Variants in TOB1 observed in about 807,000 individuals in gnomAD.
TOB1 encodes transducer of ERBB2, 1.
A neutral mutation model predicts 22.9 loss-of-function variants in TOB1; 2 were observed. The ratio of observed to expected loss-of-function variants is 0.09; its 90% CI spans 0.04 to 0.28. The LOEUF is 0.28. Among genes scored for constraint, TOB1 ranks in the 10% least tolerant of loss-of-function variants. The pLI is 1.00. For synonymous variants in TOB1, 154 were observed against 150.6 expected (o/e 1.02, Z -0.17); for missense variants, 299 against 420.5 (o/e 0.71, Z 2.53).
At position 50,863,781 on chromosome 17, in the gene TOB1, A is replaced by G. The variant is rs200508715; in HGVS notation, c.237T>C (p.Ile79=). Residue 79 remains isoleucine (I), a synonymous_variant, in exon 2 of 2, where the codon ATT becomes ATC. Transcript: ENST00000499247. ...GTGGCAGATTGCCACGAACATCATC[A>G]ATGTCCAAACCACTCTCTTTGGATG... ...EQASKESGLD[I]DDVRGNLPQD... 9.3e-5 allele frequency: 150 copies of G among 1,613,966 alleles called. No individual in the cohort carries two copies. The highest frequency in any genetic ancestry group is 1.2e-4 in the Non-Finnish European group (138 of 1,180,024).
chr17:50,863,020 T>C lies in TOB1; in HGVS notation c.998A>G (p.Gln333Arg). Residue 333 changes from glutamine to arginine, a missense_variant, in exon 2 of 2, where the codon CAG becomes CGG. Gln to Arg is a conservative substitution (Grantham distance 43). Transcript: ENST00000499247. ...AGGCTGGAATTGCTGGTTAGAATAC[T>C]GCATGTTATTTAAGCTAAAATTCAA... The part of the protein sequence containing the change: ...DGLNFSLNNM[Q>R]YSNQQFQPVM... 6.2e-7 allele frequency: 1 copy of C among 1,614,070 alleles called. No individual in the cohort carries two copies. The highest frequency in any genetic ancestry group is 8.5e-7 in the Non-Finnish European group (1 of 1,179,968).
rs71149322 is a variant in TOB1, at chr17:50,864,056, CAAAAAAAAAAAAA to C, written c.-52_-40del. 1.2e-5 allele frequency: 12 copies of C among 1,042,134 alleles called. No homozygotes were observed. In the East Asian group the frequency reaches 2.0e-4, roughly 17 times the overall value. The allele number at this position is 1,042,134 out of a possible 1,614,324, so 64.6% of individuals were successfully genotyped here. A position where few individuals can be genotyped will look rare whatever the true frequency, so the allele number is the denominator to read the frequency against. On this transcript the variant is annotated 5_prime_UTR_variant, in exon 2 of 2. Coordinates refer to ENST00000499247, the MANE Select transcript of TOB1 (RefSeq NM_005749.4). ...CAAAATTAGGTTTCAACTCCCCCAC[CAAAAAAAAAAAAA>C]AAAAAAAAAGATGTTCAGTTTGTGG...
rs981254842 is a variant in TOB1 at position 50,862,845 on chromosome 17, TTTTA to T, written c.*131_*134del. On this transcript the variant is annotated 3_prime_UTR_variant, in exon 2 of 2. Transcript: ENST00000499247. Reference sequence around the variant, plus strand: ...GTTGGCAAATGAAAAATGATGCATGTTTTATTATTATTTTTTTAACCAAGCTTGA... The same window carrying T: ...GTTGGCAAATGAAAAATGATGCATGTTTATTATTTTTTTAACCAAGCTTGA... 2.2e-5 allele frequency: 28 copies of T among 1,257,370 alleles called. No individual in the cohort carries two copies. The African/African-American group carries it at 4.1e-4, about 18-fold the overall frequency. 77.9% of individuals were successfully genotyped at this position (1,257,370 alleles called of 1,614,324 possible).
In TOB1 at chr17:50,863,055, A is replaced by G. The variant is rs892400629; in HGVS notation, c.963T>C (p.Phe321=). The stretch of plus-strand genomic sequence containing the variant: ...TTAAGCTAAAATTCAAGCCATCTAC[A>G]AAAGATTTCTCATTGAGGCCTCCAT... ...AAYGGLNEKS[F]VDGLNFSLNN... The change falls in exon 2 of 2, where the codon TTT becomes TTC. Residue 321 remains phenylalanine (F), a synonymous_variant. Transcript: ENST00000499247. 6.2e-7 allele frequency: 1 copy of G among 1,614,178 alleles called. No homozygotes were observed. The highest frequency in any genetic ancestry group is 1.1e-5 in the South Asian group (1 of 91,078).
At chr17:50,864,782 T>C (rs942643279) in intron 1 of TOB1, among the ~76,000 whole-genome samples, 7 of 152,220 alleles carry the variant, frequency 4.6e-5, no homozygotes, top group African/African-American at 1.7e-4. Context: ...TTATTCTATA[T>C]AGTTTCGGCC....
upstream of TOB1, among the ~76,000 whole-genome samples, chr17:50,866,510 C>T (rs945450594): frequency 3.3e-5 from 5 of 152,052 alleles, no homozygotes; most frequent in African/African-American, 1.2e-4. Flanking sequence ...CCGGCCGGCT[C>T]CGCCCCTGCC....
intron 1 of TOB1, among the ~76,000 whole-genome samples, chr17:50,865,178 A>G (rs1173795529): frequency 6.6e-6 from 1 of 152,270 alleles, no homozygotes; most frequent in Non-Finnish European, 1.5e-5. Context: ...TTAAAAATCA[A>G]GTTGGTCTTA....
Position 50,863,363 on chromosome 17 carries a change from G to T in TOB1, c.655C>A (p.Gln219Lys). The change falls in exon 2 of 2, where the codon CAG (glutamine) becomes AAG (lysine). Residue 219 changes from glutamine to lysine, a missense_variant. Gln to Lys is a moderately conservative substitution (Grantham distance 53). Transcript: ENST00000499247. Reference protein sequence around the residue: ...LGLNVNDLLKQKAISSSMHSL... With the variant: ...LGLNVNDLLKKKAISSSMHSL... ...TGCATTGAGGAAGAGATGGCTTTCT[G>T]CTTCAAGAGGTCATTCACATTCAAG... 6.2e-6 allele frequency: 10 copies of T among 1,614,126 alleles called. No individual in the cohort carries two copies. Among genetic ancestry groups the T allele is most frequent in the Non-Finnish European group, 8.5e-6 (10 of 1,180,040 alleles).
rs371032220 is a variant in TOB1, at chr17:50,864,051, C to T, written c.-34G>A. The T allele has an allele frequency of 1.1e-3, 928 of 818,242 alleles. 3 individuals are homozygous for T. Among genetic ancestry groups the T allele is most frequent in the Non-Finnish European group, 6.6e-4 (428 of 645,104 alleles). The allele number at this position is 818,242 out of a possible 1,614,324, so 50.7% of individuals were successfully genotyped here. ...CGCCACAAAATTAGGTTTCAACTCCCCCACCAAAAAAAAAAAAAAAAAAAA... is the reference window on the plus strand; with the variant it reads ...CGCCACAAAATTAGGTTTCAACTCCTCCACCAAAAAAAAAAAAAAAAAAAA... On this transcript the variant is annotated 5_prime_UTR_variant, in exon 2 of 2. Coordinates refer to ENST00000499247, the MANE Select transcript of TOB1 (RefSeq NM_005749.4).
intron 1 of TOB1, among the ~76,000 whole-genome samples, chr17:50,864,812 A>G (rs901026879): frequency 6.6e-6 from 1 of 152,238 alleles, no homozygotes; most frequent in African/African-American, 2.4e-5. Flanking sequence ...CTAAGAGCAT[A>G]CAATATAATA....
upstream of TOB1, chr17:50,867,474 C>G (rs1972329772): frequency 6.6e-6 from 1 of 152,128 alleles, no homozygotes; most frequent in Non-Finnish European, 1.5e-5. Context: ...GCGTCCCTCT[C>G]AGCTAAAAAT....
Position 50,862,885 on chromosome 17 carries a change from A to G in TOB1, c.*95T>C. ...TTTAACCAAGCTTGAATGTATCCTTACTATAAGCTTAAAAAAAAAAATTCT... is the reference window on the plus strand; with the variant it reads ...TTTAACCAAGCTTGAATGTATCCTTGCTATAAGCTTAAAAAAAAAAATTCT... On this transcript the variant is annotated 3_prime_UTR_variant, in exon 2 of 2. Transcript: ENST00000499247. 9 of 1,437,418 alleles carry G rather than the reference A, an allele frequency of 6.3e-6. No individual in the cohort carries two copies. In the South Asian group the frequency reaches 1.4e-4, roughly 22 times the overall value. The allele number at this position is 1,437,418 out of a possible 1,614,324, so 89.0% of individuals were successfully genotyped here.
chr17:50,862,724 T>A lies in TOB1; in HGVS notation c.*256A>T. 2.7e-6 allele frequency: 1 copy of A among 365,766 alleles called. No individual in the cohort carries two copies. 22.7% of individuals were successfully genotyped at this position (365,766 alleles called of 1,614,324 possible). On this transcript the variant is annotated 3_prime_UTR_variant, in exon 2 of 2. Coordinates refer to ENST00000499247, the MANE Select transcript of TOB1 (RefSeq NM_005749.4). ...TAGTGCCAATTTTTATAAAAAAAAA[T>A]CAGCCATGTCCTTGCTATATCTTAA...
At chr17:50,864,623 A>T (rs1318381620) in intron 1 of TOB1, among the ~76,000 whole-genome samples, 2 of 152,036 alleles carry the variant, frequency 1.3e-5, no homozygotes, top group East Asian at 3.9e-4. Context: ...TTTACTTTGG[A>T]TATATACTGT....
In TOB1 at chr17:50,864,112, A is replaced by G. The variant is rs1224096286; in HGVS notation, c.-95T>C. The G allele has an allele frequency of 7.7e-6, 11 of 1,426,654 alleles. 1 individual carries two copies. In the African/African-American group the frequency reaches 1.5e-4, roughly 19 times the overall value. The allele number at this position is 1,426,654 out of a possible 1,614,324, so 88.4% of individuals were successfully genotyped here. A position where few individuals can be genotyped will look rare whatever the true frequency, so the allele number is the denominator to read the frequency against. ...GTTTGTGGCAGAGAAACAAATTTTC[A>G]TTCAAAGTGCTGGTATTAGTAGATT... On this transcript the variant is annotated 5_prime_UTR_variant, in exon 2 of 2. It removes an upstream start codon present in the reference 5' UTR. Transcript: ENST00000499247.
At chr17:50,866,935 G>A (rs1439443960), upstream of TOB1, 1 of 152,372 alleles carries the variant, frequency 6.6e-6, no homozygotes, top group African/African-American at 2.4e-5. Context: ...GTAGAGAAAG[G>A]GCAAACTGTG....
intron 1 of TOB1, among the ~76,000 whole-genome samples, chr17:50,865,429 T>C (rs1249006732): frequency 6.6e-6 from 1 of 152,184 alleles, no homozygotes; most frequent in Non-Finnish European, 1.5e-5. Flanking sequence ...TAGATCTCAT[T>C]AGATTTCTGC....
At position 50,864,086 on chromosome 17, in the gene TOB1, A is replaced by G. The variant is rs1972261674; in HGVS notation, c.-69T>C. 9.4e-6 allele frequency: 10 copies of G among 1,068,558 alleles called. No homozygotes were observed. The South Asian group carries it at 1.0e-4, about 11-fold the overall frequency. 66.2% of individuals were successfully genotyped at this position (1,068,558 alleles called of 1,614,324 possible). On this transcript the variant is annotated 5_prime_UTR_variant, in exon 2 of 2. The change abolishes the stop of an existing upstream ORF in the 5' untranslated region. Coordinates refer to ENST00000499247, the MANE Select transcript of TOB1 (RefSeq NM_005749.4). ...AAAAAAAAAAAAAAAAAAGATGTTC[A>G]GTTTGTGGCAGAGAAACAAATTTTC...
intron 1 of TOB1, 68 bp from the exon 2 acceptor site, chr17:50,864,231 C>A: frequency 1.1e-6 from 1 of 891,970 alleles, no homozygotes; most frequent in Non-Finnish European, 1.5e-6. Flanking sequence ...TTCCCCCCTC[C>A]AAAGTAATTT....
Sources: gnomAD v4.1 joint callset for allele counts (sites outside exome capture counted in the v4.1 genomes callset) on GRCh38, gnomAD v4.1.1 for gene constraint, MANE v1.5 for transcripts, NCBI Gene and HGNC (gene_info 2026-07-23, HGNC 2026-07-21) for gene names.